CRLF1: variants seen among roughly 807,000 people sequenced by gnomAD.
CRLF1 encodes the protein cytokine receptor-like factor 1.
A neutral mutation model predicts 48.9 loss-of-function variants in CRLF1; 36 were observed. The ratio of observed to expected loss-of-function variants is 0.74; its 90% CI spans 0.56 to 0.97. The LOEUF (loss-of-function observed/expected upper bound fraction) is 0.97, where lower values mean the gene tolerates loss of function less well. Ranked by LOEUF, CRLF1 falls within the 50% of genes least tolerant of loss-of-function variation. The probability of loss-of-function intolerance (pLI) is 0.00; values close to 1 mark genes in which losing one functional copy is unlikely to be tolerated. For synonymous variants in CRLF1, 256 were observed against 253.4 expected (o/e 1.01, Z -0.10); for missense variants, 534 against 575.1 (o/e 0.93, Z 0.73).
At chr19:18,596,353 A>G (rs1243703230) in intron 6 of CRLF1, among the ~76,000 whole-genome samples, 3 of 152,162 alleles carry the variant, frequency 2.0e-5, no homozygotes, top group Non-Finnish European at 2.9e-5. Context: ...AGCCTGGCCA[A>G]CATGGTGAAA....
At chr19:18,602,121 G>A (rs1337228285) in intron 1 of CRLF1, among the ~76,000 whole-genome samples, 1 of 152,202 alleles carries the variant, frequency 6.6e-6, no homozygotes, top group East Asian at 1.9e-4. Flanking sequence ...AGGAAACTTG[G>A]GGACGCCCAT....
chr19:18,604,973 C>T (rs1032321602), intron 1 of CRLF1, among the ~76,000 whole-genome samples: 1 of 152,142 alleles, frequency 6.6e-6, no homozygotes, highest in Non-Finnish European at 1.5e-5. Flanking sequence ...ATCCCAGGGT[C>T]CCCACGGGGG....
chr19:18,598,715 G>C, intron 3 of CRLF1, 57 bp downstream of exon 3: 1 of 1,613,878 alleles, frequency 6.2e-7, no homozygotes, highest in Non-Finnish European at 8.5e-7. Flanking sequence ...GGTCCGCGTT[G>C]GTCAAGGTCA....
chr19:18,593,237 G>A lies in CRLF1; in HGVS notation c.*329C>T. 3.0e-6 allele frequency: 1 copy of A among 337,768 alleles called. No homozygotes were observed. The highest frequency in any genetic ancestry group is 2.1e-5 in the African/African-American group (1 of 48,172). The allele number at this position is 337,768 out of a possible 1,614,324, so 20.9% of individuals were successfully genotyped here. A position where few individuals can be genotyped will look rare whatever the true frequency, so the allele number is the denominator to read the frequency against. ...CCCCAAACTCACCTTCACAATCACAGCACCTAAATAGCTCATTTATTTAAA... is the reference window on the plus strand; with the variant it reads ...CCCCAAACTCACCTTCACAATCACAACACCTAAATAGCTCATTTATTTAAA... On this transcript the variant is annotated 3_prime_UTR_variant, in exon 9 of 9. Transcript: ENST00000392386.
chr19:18,594,032 T>TTTGGGGGCC, intron 8 of CRLF1, 33 bp downstream of exon 8: 1 of 695,814 alleles, frequency 1.4e-6, no homozygotes, highest in African/African-American at 2.1e-5. Flanking sequence ...CTCCCCTTGC[T>TTTGGGGGCC]CCCTCCCGCC....
chr19:18,594,551 G>C, intron 6 of CRLF1, 117 bp from the exon 7 acceptor site: 5 of 784,900 alleles, frequency 6.4e-6, no homozygotes. Context: ...CTCCCTCCCC[G>C]TTTCTCAAGG....
chr19:18,605,681 TC>T (rs1976283202), intron 1 of CRLF1, among the ~76,000 whole-genome samples: 1 of 152,170 alleles, frequency 6.6e-6, no homozygotes, highest in Non-Finnish European at 1.5e-5. Flanking sequence ...TCTGGGTGTG[TC>T]CCAGAGCGGG....
At chr19:18,595,296 A>G (rs1205994829) in intron 6 of CRLF1, among the ~76,000 whole-genome samples, 1 of 152,212 alleles carries the variant, frequency 6.6e-6, no homozygotes, top group Non-Finnish European at 1.5e-5. Context: ...GGGCACGAGC[A>G]GGGGCCAAGG....
intron 1 of CRLF1, among the ~76,000 whole-genome samples, chr19:18,600,509 C>T (rs1031910263): frequency 5.9e-5 from 9 of 152,262 alleles, no homozygotes; most frequent in Middle Eastern, 3.4e-3. Context: ...GCTAGGACTA[C>T]GCGCCCGCCA....
At chr19:18,600,222 G>A (rs991662993) in intron 1 of CRLF1, among the ~76,000 whole-genome samples, 5 of 151,918 alleles carry the variant, frequency 3.3e-5, no homozygotes, top group East Asian at 1.9e-4. Flanking sequence ...TTTTTGAGAC[G>A]GAGTCTCGCT....
rs565524847 is a variant in CRLF1, at chr19:18,606,510, A to C, written c.115+32T>G. 8 of 1,134,584 alleles carry C rather than the reference A, an allele frequency of 7.1e-6. No individual in the cohort carries two copies. In the Admixed American group the frequency reaches 2.0e-4, roughly 28 times the overall value. 70.3% of individuals were successfully genotyped at this position (1,134,584 alleles called of 1,614,324 possible). A position where few individuals can be genotyped will look rare whatever the true frequency, so the allele number is the denominator to read the frequency against. ...CGGGGCGCCCGCCCTCTGCTCTGGC[A>C]GGGGGGAAGGAGTGGGGCGCCGGGT... On this transcript the variant is annotated intron_variant, in intron 1 of 8. Transcript: ENST00000392386. The surrounding 1 kb of genome is among the most constrained non-coding windows in gnomAD (Gnocchi z 4.8).
chr19:18,605,412 T>G (rs1432600573), intron 1 of CRLF1, among the ~76,000 whole-genome samples: 2 of 152,062 alleles, frequency 1.3e-5, no homozygotes, highest in Admixed American at 1.3e-4. Flanking sequence ...CTGGGAGCAG[T>G]GTGTGCCCGG....
At chr19:18,601,907 C>T (rs1482258214) in intron 1 of CRLF1, among the ~76,000 whole-genome samples, 1 of 152,216 alleles carries the variant, frequency 6.6e-6, no homozygotes, top group African/African-American at 2.4e-5. Context: ...CACTGCCTAC[C>T]TCTGGAACTA....
Position 18,598,758 on chromosome 19 carries a change from A to C in CRLF1, c.527+14T>G, listed in dbSNP as rs2145331970. 1 of 1,614,118 alleles carries C rather than the reference A, an allele frequency of 6.2e-7. No homozygotes were observed. Among genetic ancestry groups the C allele is most frequent in the East Asian group, 2.2e-5 (1 of 44,878 alleles). On this transcript the variant is annotated intron_variant, in intron 3 of 8. Coordinates refer to ENST00000392386, the MANE Select transcript of CRLF1 (RefSeq NM_004750.5). ...AGCCTGGGACACACACATCGCCCTC[A>C]GGCCACCACCAACCTAAGCTTGTAC...
intron 3 of CRLF1, 41 bp from the exon 4 acceptor site, chr19:18,598,642 T>C: frequency 1.2e-6 from 2 of 1,613,818 alleles, no homozygotes; most frequent in Non-Finnish European, 1.7e-6. Context: ...GAGGGTTCCT[T>C]GTGGCCCCCA....
chr19:18,605,532 G>A (rs1976280417), intron 1 of CRLF1, among the ~76,000 whole-genome samples: 1 of 152,228 alleles, frequency 6.6e-6, no homozygotes, highest in Admixed American at 6.5e-5. Context: ...TGTGGGATGT[G>A]TGTGACCGTG....
chr19:18,594,655 GCTC>G (rs1447077192), intron 6 of CRLF1, among the ~76,000 whole-genome samples: 5 of 151,868 alleles, frequency 3.3e-5, no homozygotes, highest in Non-Finnish European at 7.4e-5. Context: ...GAAGGAAGGG[GCTC>G]CTCCTCCACA....
chr19:18,596,278 C>T (rs546539914), intron 6 of CRLF1, among the ~76,000 whole-genome samples: 2 of 152,264 alleles, frequency 1.3e-5, no homozygotes, highest in East Asian at 1.9e-4. Flanking sequence ...GTGTCTCACA[C>T]CTGTAATCCC....
rs1014306022 is a variant in CRLF1, at chr19:18,594,457, T to C, written c.1025-23A>G. On this transcript the variant is annotated intron_variant, in intron 6 of 8. Coordinates refer to ENST00000392386, the MANE Select transcript of CRLF1 (RefSeq NM_004750.5). ...GCTCTGGTGGTGGGCGGAGCGGCAG[T>C]GTCAGAGCGCGCCCGGCAGGGGGTG... 2.6e-5 allele frequency: 34 copies of C among 1,333,216 alleles called. No homozygotes were observed. The African/African-American group carries it at 4.7e-4, about 19-fold the overall frequency. The allele number at this position is 1,333,216 out of a possible 1,614,324, so 82.6% of individuals were successfully genotyped here.
Sources: allele counts gnomAD v4.1 joint callset (sites outside exome capture counted in the v4.1 genomes callset), GRCh38; gene constraint gnomAD v4.1.1; non-coding constraint Gnocchi (gnomAD v3.1); transcripts MANE v1.5; gene names NCBI Gene and HGNC (gene_info 2026-07-23, HGNC 2026-07-21).